Variants in ABI2 observed in about 807,000 individuals in gnomAD.
ABI2 encodes abelson interactor 2.
In ABI2, 25 loss-of-function variants were observed where a neutral mutation model predicts 59.2. The ratio of observed to expected loss-of-function variants is 0.42; its 90% CI spans 0.31 to 0.59. The LOEUF is 0.59. Ranked by LOEUF, ABI2 falls within the 20% of genes least tolerant of loss-of-function variation. The probability of loss-of-function intolerance (pLI) is 0.14; values close to 1 mark genes in which losing one functional copy is unlikely to be tolerated. For synonymous variants in ABI2, 213 were observed against 235.5 expected (o/e 0.90, Z 0.87); for missense variants, 545 against 681.8 (o/e 0.80, Z 2.23).
intron 2 of ABI2, among the ~76,000 whole-genome samples, chr2:203,370,466 T>G (rs187686906): frequency 2.8e-4 from 42 of 152,260 alleles, no homozygotes; most frequent in African/African-American, 8.2e-4. Context: ...CTTTTCTTTT[T>G]TGTGTGTGTA....
chr2:203,380,165 G>T, intron 2 of ABI2, 43 bp from the exon 3 acceptor site: 1 of 1,288,602 alleles, frequency 7.8e-7, no homozygotes, highest in South Asian at 1.6e-5. Context: ...GTGGATATTA[G>T]AACTATACAT....
chr2:203,363,005 A>G (rs1021916822), intron 1 of ABI2, among the ~76,000 whole-genome samples: 1 of 151,806 alleles, frequency 6.6e-6, no homozygotes, highest in Non-Finnish European at 1.5e-5. Context: ...TATTTTTCGT[A>G]TTTTTAGTAG....
At chr2:203,402,932 G>A (rs1010643094) in intron 9 of ABI2, among the ~76,000 whole-genome samples, 198 bp downstream of exon 9, 18 of 152,028 alleles carry the variant, frequency 1.2e-4, no homozygotes, top group African/African-American at 3.9e-4. Flanking sequence ...TGATTTCCAC[G>A]TAAAGTCATA....
intron 2 of ABI2, among the ~76,000 whole-genome samples, chr2:203,368,984 ATTTTTTTTT>A (rs71007508): frequency 1.9e-4 from 17 of 91,084 alleles, no homozygotes; most frequent in Admixed American, 2.8e-4. Flanking sequence ...TGCTTGGCTG[ATTTTTTTTT>A]TTTTTTTTTT....
At chr2:203,340,335 A>G (rs1328682112) in intron 1 of ABI2, among the ~76,000 whole-genome samples, 1 of 152,160 alleles carries the variant, frequency 6.6e-6, no homozygotes, top group African/African-American at 2.4e-5. Context: ...ACTATAGTTA[A>G]TAATATTGTA....
chr2:203,411,689 T>C (rs1410711492), intron 10 of ABI2, among the ~76,000 whole-genome samples: 1 of 152,194 alleles, frequency 6.6e-6, no homozygotes, highest in Non-Finnish European at 1.5e-5. Context: ...GTCTAGTTTC[T>C]TATCACTGGA....
At chr2:203,349,552 A>G (rs1171141994) in intron 1 of ABI2, among the ~76,000 whole-genome samples, 2 of 151,996 alleles carry the variant, frequency 1.3e-5, no homozygotes, top group African/African-American at 2.4e-5. Context: ...TTACAGGCAC[A>G]TGCCACCATG....
chr2:203,382,750 G>GTT (rs773818297), intron 4 of ABI2, among the ~76,000 whole-genome samples: 1 of 146,230 alleles, frequency 6.8e-6, no homozygotes, highest in South Asian at 2.2e-4. Flanking sequence ...AGTGACACGG[G>GTT]TTTTTTTTTT....
At chr2:203,347,066 G>A (rs988115151) in intron 1 of ABI2, among the ~76,000 whole-genome samples, 3 of 152,194 alleles carry the variant, frequency 2.0e-5, no homozygotes, top group Non-Finnish European at 4.4e-5. Flanking sequence ...TTGAAACTAA[G>A]CTATTAAATT....
At chr2:203,341,536 G>A (rs541385342) in intron 1 of ABI2, among the ~76,000 whole-genome samples, 1 of 152,094 alleles carries the variant, frequency 6.6e-6, no homozygotes, top group African/African-American at 2.4e-5. Context: ...CCAAGATGGC[G>A]AAACCCCATC....
At chr2:203,387,896 C>T (rs528200050) in intron 4 of ABI2, among the ~76,000 whole-genome samples, 8 of 152,300 alleles carry the variant, frequency 5.3e-5, no homozygotes, top group African/African-American at 1.9e-4. Context: ...ATAGAGATCT[C>T]ATGTTTTGCT....
At chr2:203,406,060 A>T (rs1292562767) in intron 9 of ABI2, among the ~76,000 whole-genome samples, 1 of 152,214 alleles carries the variant, frequency 6.6e-6, no homozygotes, top group African/African-American at 2.4e-5. Context: ...TCTTAATCTA[A>T]TCCAGCCAAT....
chr2:203,364,934 A>G (rs567861408), intron 1 of ABI2, among the ~76,000 whole-genome samples: 60 of 151,886 alleles, frequency 4.0e-4, no homozygotes, highest in African/African-American at 1.2e-3. Context: ...AGGTCTCACA[A>G]TGTTGCCCAG....
chr2:203,425,987 C>G (rs192613007), intron 11 of ABI2, among the ~76,000 whole-genome samples: 1 of 150,070 alleles, frequency 6.7e-6, no homozygotes, highest in East Asian at 1.9e-4. Context: ...TGCCACTGCA[C>G]TCCAGCCTGG....
chr2:203,417,881 T>C (rs1482617365), intron 11 of ABI2, among the ~76,000 whole-genome samples: 2 of 152,198 alleles, frequency 1.3e-5, no homozygotes, highest in African/African-American at 2.4e-5. Flanking sequence ...TTTTTCTTTA[T>C]GTAGCTACTA....
At chr2:203,395,900 T>C (rs2096962106) in intron 7 of ABI2, 120 bp downstream of exon 7, 1 of 1,179,922 alleles carries the variant, frequency 8.5e-7, no homozygotes, top group African/African-American at 1.6e-5. Flanking sequence ...ATCATAAATA[T>C]TGGGAAGTCT....
At chr2:203,415,301 C>G (rs906837788) in intron 10 of ABI2, among the ~76,000 whole-genome samples, 1 of 152,106 alleles carries the variant, frequency 6.6e-6, no homozygotes, top group African/African-American at 2.4e-5. Context: ...GCTGCTCCCA[C>G]CAGGCATCAG....
intron 2 of ABI2, among the ~76,000 whole-genome samples, chr2:203,372,448 C>A (rs1370404660): frequency 6.6e-6 from 1 of 152,234 alleles, no homozygotes; most frequent in African/African-American, 2.4e-5. Flanking sequence ...GTTGGGTACA[C>A]CTCCCAGACG....
In ABI2 at chr2:203,431,639, C is replaced by T. The variant is rs1475120091; in HGVS notation, c.*4287C>T. On this transcript the variant is annotated 3_prime_UTR_variant, in exon 12 of 12. Transcript: ENST00000261018. ...TAAATGGAGGCATTGAGCTCATTACCTTTAAGTTTACTTTGTGCTGACCTT... is the reference window on the plus strand; with the variant it reads ...TAAATGGAGGCATTGAGCTCATTACTTTTAAGTTTACTTTGTGCTGACCTT... 6.6e-6 allele frequency: 1 copy of T among 151,616 alleles called. No homozygotes were observed. Among genetic ancestry groups the T allele is most frequent in the African/African-American group, 2.4e-5 (1 of 41,290 alleles). 9.4% of individuals were successfully genotyped at this position (151,616 alleles called of 1,614,324 possible). A position where few individuals can be genotyped will look rare whatever the true frequency, so the allele number is the denominator to read the frequency against.
Sources: gnomAD v4.1 joint callset for allele counts (sites outside exome capture counted in the v4.1 genomes callset) on GRCh38, gnomAD v4.1.1 for gene constraint, MANE v1.5 for transcripts, NCBI Gene and HGNC (gene_info 2026-07-23, HGNC 2026-07-21) for gene names.